The following EYA1 variants were observed in gnomAD, a reference collection of about 807,000 sequenced individuals.
EYA1 encodes protein phosphatase EYA1.
A neutral mutation model predicts 82.0 loss-of-function variants in EYA1; 16 were observed. The ratio of observed to expected loss-of-function variants is 0.20; its 90% confidence interval spans 0.13 to 0.30. The LOEUF is 0.30. EYA1 is among the 10% of genes least tolerant of loss of function. The probability of loss-of-function intolerance (pLI) is 1.00; values close to 1 mark genes in which losing one functional copy is unlikely to be tolerated. For missense variants in EYA1, 633 were observed against 730.7 expected (o/e 0.87, Z 1.54); for synonymous variants, 261 against 264.4 (o/e 0.99, Z 0.12).
At chr8:71,483,301 A>T (rs1361795934) in intron 2 of EYA1, among the ~76,000 whole-genome samples, 1 of 152,090 alleles carries the variant, frequency 6.6e-6, no homozygotes, top group Non-Finnish European at 1.5e-5. Flanking sequence ...TTTAAATGTC[A>T]TCTTCTCACC....
At chr8:71,271,325 A>G (rs922151735) in intron 10 of EYA1, among the ~76,000 whole-genome samples, 4 of 152,292 alleles carry the variant, frequency 2.6e-5, no homozygotes, top group South Asian at 4.1e-4. Flanking sequence ...AAAATGTACA[A>G]TTAAGTTATT....
Position 71,199,428 on chromosome 8 carries a change from A to G in EYA1, c.1699-8T>C, listed in dbSNP as rs201537030. The G allele has an allele frequency of 8.6e-4, 1,386 of 1,608,878 alleles. 2 individuals carry two copies. The highest frequency in any genetic ancestry group is 1.9e-3 in the South Asian group (174 of 90,680). ...CCAGAAGGGCATCGCGTGCTGCAGC[A>G]GAGGCACACATACATGTGAGGACAG... On this transcript the variant is annotated splice_polypyrimidine_tract_variant and splice_region_variant and intron_variant, in intron 17 of 17. Coordinates refer to ENST00000340726, the MANE Select transcript of EYA1 (RefSeq NM_000503.6).
chr8:71,546,567 C>G (rs1023245119), intron 1 of EYA1, among the ~76,000 whole-genome samples: 7 of 148,738 alleles, frequency 4.7e-5, no homozygotes, highest in African/African-American at 1.8e-4. Context: ...GTGGCGCAAT[C>G]TCGGCTCACT....
At chr8:71,244,760 A>G in intron 11 of EYA1, 68 bp from the exon 12 acceptor site, 2 of 942,118 alleles carry the variant, frequency 2.1e-6, no homozygotes, top group Admixed American at 1.9e-5. Context: ...GTGTCTCATT[A>G]AGAGGAAGCA....
intron 12 of EYA1, among the ~76,000 whole-genome samples, chr8:71,218,625 T>G (rs1206635682): frequency 6.6e-6 from 1 of 152,166 alleles, no homozygotes; most frequent in Non-Finnish European, 1.5e-5. Context: ...GACTGTGAAT[T>G]TAACATTTTA....
chr8:71,375,721 T>A (rs1372251578), intron 2 of EYA1, among the ~76,000 whole-genome samples: 1 of 152,056 alleles, frequency 6.6e-6, no homozygotes, highest in East Asian at 1.9e-4. Context: ...TTCTGCCTCC[T>A]GGGTTCAAGC....
intron 2 of EYA1, among the ~76,000 whole-genome samples, chr8:71,408,100 G>C (rs1211225054): frequency 6.6e-6 from 1 of 152,008 alleles, no homozygotes; most frequent in Non-Finnish European, 1.5e-5. Context: ...TTTCAACACA[G>C]AATTTCATAT....
chr8:71,284,888 T>C (rs1818198605), intron 9 of EYA1, among the ~76,000 whole-genome samples: 2 of 152,226 alleles, frequency 1.3e-5, no homozygotes, highest in African/African-American at 2.4e-5. Context: ...CAAACACTTA[T>C]GTAAGGAATC....
At chr8:71,309,646 A>G (rs777101027) in intron 7 of EYA1, among the ~76,000 whole-genome samples, 4 of 152,234 alleles carry the variant, frequency 2.6e-5, no homozygotes, top group Non-Finnish European at 5.9e-5. Flanking sequence ...TAGTTAAGCA[A>G]TTTTTAGGTT....
chr8:71,444,829 G>A (rs1806735527), intron 2 of EYA1, among the ~76,000 whole-genome samples: 1 of 152,208 alleles, frequency 6.6e-6, no homozygotes, highest in South Asian at 2.1e-4. Context: ...GTGGGAGGTA[G>A]TGATATTAAA....
At chr8:71,271,918 C>A (rs759542774) in intron 9 of EYA1, 21 bp from the exon 10 acceptor site, 40 of 1,613,932 alleles carry the variant, frequency 2.5e-5, no homozygotes, top group Non-Finnish European at 3.1e-5. Flanking sequence ...ATAGGAAGGA[C>A]TTTCATCTTT....
intron 2 of EYA1, among the ~76,000 whole-genome samples, chr8:71,440,974 A>G (rs1352888414): frequency 1.3e-5 from 2 of 152,182 alleles, no homozygotes; most frequent in Non-Finnish European, 2.9e-5. Context: ...CATTTTACAG[A>G]GCAAATTGTA....
At chr8:71,407,764 ATG>A in intron 2 of EYA1, among the ~76,000 whole-genome samples, 1 of 137,754 alleles carries the variant, frequency 7.3e-6, no homozygotes, top group Non-Finnish European at 1.6e-5. Flanking sequence ...CCTGAAAGTG[ATG>A]CGGAGAATGG....
At chr8:71,248,065 A>T (rs1813319087) in intron 11 of EYA1, among the ~76,000 whole-genome samples, 1 of 152,224 alleles carries the variant, frequency 6.6e-6, no homozygotes, top group African/African-American at 2.4e-5. Context: ...TTTTCTTCAT[A>T]AATTACAGTA....
chr8:71,520,043 G>A (rs973859552), intron 2 of EYA1, among the ~76,000 whole-genome samples: 2 of 152,050 alleles, frequency 1.3e-5, no homozygotes, highest in Admixed American at 1.3e-4. Flanking sequence ...TTTAATAAAG[G>A]GCATGAAAGC....
At chr8:71,377,322 C>T (rs1030319879) in intron 2 of EYA1, among the ~76,000 whole-genome samples, 3 of 152,126 alleles carry the variant, frequency 2.0e-5, no homozygotes, top group African/African-American at 7.2e-5. Flanking sequence ...CATTCTAGCC[C>T]CAGCCACCAT....
At chr8:71,267,225 C>T (rs985996503) in intron 11 of EYA1, among the ~76,000 whole-genome samples, 8 of 152,164 alleles carry the variant, frequency 5.3e-5, no homozygotes, top group African/African-American at 1.9e-4. Flanking sequence ...CTGCCTTCAT[C>T]CCTGACCACA....
At chr8:71,469,441 G>A (rs2129199288) in intron 2 of EYA1, among the ~76,000 whole-genome samples, 1 of 152,090 alleles carries the variant, frequency 6.6e-6, no homozygotes, top group African/African-American at 2.4e-5. Context: ...TCACAGCATT[G>A]TTGTGAGGAT....
At chr8:71,472,038 A>G (rs1362691291) in intron 2 of EYA1, among the ~76,000 whole-genome samples, 4 of 152,132 alleles carry the variant, frequency 2.6e-5, no homozygotes, top group African/African-American at 9.6e-5. Flanking sequence ...TGTCTGAATC[A>G]GGAGAACTCA....
Sources: allele counts gnomAD v4.1 joint callset (sites outside exome capture counted in the v4.1 genomes callset), GRCh38; gene constraint gnomAD v4.1.1; transcripts MANE v1.5; gene names NCBI Gene and HGNC (gene_info 2026-07-23, HGNC 2026-07-21).